CDH6: variants seen among roughly 807,000 people sequenced by gnomAD.
The protein encoded by CDH6 is cadherin 6, also known as cadherin-6.
A neutral mutation model predicts 78.0 loss-of-function variants in CDH6; 31 were observed. The observed-to-expected ratio is 0.40, with a 90% CI of 0.30 to 0.54. The LOEUF is 0.54. Among genes scored for constraint, CDH6 ranks in the 20% least tolerant of loss-of-function variants. The pLI is 0.56. For missense variants in CDH6, 724 were observed against 975.9 expected, an observed-to-expected ratio of 0.74 and a Z score of 3.44; for synonymous variants, 376 against 368.8, an observed-to-expected ratio of 1.02 and a Z score of -0.23.
intron 1 of CDH6, among the ~76,000 whole-genome samples, chr5:31,247,125 C>T (rs1741773801): frequency 6.6e-6 from 1 of 152,182 alleles, no homozygotes; most frequent in Non-Finnish European, 1.5e-5. Context: ...GACATCTCTG[C>T]AGAAGAGTTT....
At chr5:31,231,662 T>C (rs979191509) in intron 1 of CDH6, among the ~76,000 whole-genome samples, 1 of 152,176 alleles carries the variant, frequency 6.6e-6, no homozygotes, top group Non-Finnish European at 1.5e-5. Flanking sequence ...TTCCTCTTCT[T>C]ATAAAGCCTC....
chr5:31,328,144 T>A lies in CDH6; in HGVS notation c.*4836T>A. 4.7e-6 allele frequency: 1 copy of A among 211,092 alleles called. No individual in the cohort carries two copies. 13.1% of individuals were successfully genotyped at this position (211,092 alleles called of 1,614,324 possible). A position where few individuals can be genotyped will look rare whatever the true frequency, so the allele number is the denominator to read the frequency against. ...GGAGCCACTGGGTTATTAGATTAAT[T>A]TCAAAAGAGCTTTTACAAGTTGCTT... On this transcript the variant is annotated 3_prime_UTR_variant, in exon 12 of 12. Transcript: ENST00000265071.
intron 8 of CDH6, 135 bp from the exon 9 acceptor site, chr5:31,316,073 T>TA: frequency 1.2e-6 from 1 of 859,570 alleles, no homozygotes; most frequent in Non-Finnish European, 1.7e-6. Flanking sequence ...ACCACACTGG[T>TA]ACTTAATGCC....
At position 31,317,695 on chromosome 5, in the gene CDH6, T is replaced by C; in HGVS notation, c.1653T>C (p.Thr551=). ...DNKDNTAGIL[T]RKNGYNRHEM... ...CAGACAACACGGCGGGAATCTTAAC[T>C]CGGAAAAATGGCTATAATAGACACG... Residue 551 remains threonine, a synonymous_variant, in exon 11 of 12, where the codon ACT becomes ACC. Transcript: ENST00000265071. The C allele has an allele frequency of 6.2e-7, 1 of 1,610,232 alleles. No individual in the cohort carries two copies. Among genetic ancestry groups the C allele is most frequent in the South Asian group, 1.1e-5 (1 of 91,018 alleles).
At chr5:31,208,223 G>A (rs1740591989) in intron 1 of CDH6, among the ~76,000 whole-genome samples, 1 of 152,194 alleles carries the variant, frequency 6.6e-6, no homozygotes. Flanking sequence ...CATTCCAGAG[G>A]CTACGAGGGG....
Position 31,267,322 on chromosome 5 carries a change from TTGTTA to T in CDH6, c.-128-17_-128-13del. 1 of 603,466 alleles carries T rather than the reference TTGTTA, an allele frequency of 1.7e-6. No individual in the cohort carries two copies. 37.4% of individuals were successfully genotyped at this position (603,466 alleles called of 1,614,324 possible). A position where few individuals can be genotyped will look rare whatever the true frequency, so the allele number is the denominator to read the frequency against. On this transcript the variant is annotated intron_variant, in intron 1 of 11. Coordinates refer to ENST00000265071, the MANE Select transcript of CDH6 (RefSeq NM_004932.4). The stretch of plus-strand genomic sequence containing the variant: ...GAATTTTAAGCATCTCTAAAAATGC[TTGTTA>T]TGTTATTATTCTTTCCAGATATCCT...
At chr5:31,273,240 A>AT (rs917659112) in intron 2 of CDH6, among the ~76,000 whole-genome samples, 3 of 151,576 alleles carry the variant, frequency 2.0e-5, no homozygotes, top group African/African-American at 4.8e-5. Flanking sequence ...TCTTACACTA[A>AT]TTTTTTTTTC....
At chr5:31,245,581 G>C (rs1741722378) in intron 1 of CDH6, among the ~76,000 whole-genome samples, 1 of 152,176 alleles carries the variant, frequency 6.6e-6, no homozygotes, top group South Asian at 2.1e-4. Flanking sequence ...GGACATTACA[G>C]GGTTTTTACT....
At chr5:31,288,664 A>C (rs1346432652) in intron 2 of CDH6, among the ~76,000 whole-genome samples, 1 of 152,244 alleles carries the variant, frequency 6.6e-6, no homozygotes, top group Admixed American at 6.5e-5. Context: ...CCTATTTAAC[A>C]CAAAGATGTT....
At chr5:31,302,320 C>G in intron 6 of CDH6, 22 bp downstream of exon 6, 3 of 1,575,268 alleles carry the variant, frequency 1.9e-6, no homozygotes, top group Non-Finnish European at 2.6e-6. Context: ...TCTTAAACAC[C>G]ATACAGAGTG....
At chr5:31,199,497 C>T (rs1383007561) in intron 1 of CDH6, among the ~76,000 whole-genome samples, 16 of 108,932 alleles carry the variant, frequency 1.5e-4, no homozygotes, top group African/African-American at 4.1e-4. Flanking sequence ...TGTACACACA[C>T]ATATGTGTAT....
At chr5:31,198,461 TGAA>T (rs775470509) in intron 1 of CDH6, among the ~76,000 whole-genome samples, 1 of 152,142 alleles carries the variant, frequency 6.6e-6, no homozygotes, top group Non-Finnish European at 1.5e-5. Context: ...AAACGACTTA[TGAA>T]GAAGATGAGG....
intron 1 of CDH6, among the ~76,000 whole-genome samples, chr5:31,242,701 T>G (rs928487457): frequency 1.8e-4 from 25 of 139,496 alleles, no homozygotes; most frequent in South Asian, 9.7e-4. Context: ...AGAATAAGAA[T>G]GGGGGGGGGC....
intron 1 of CDH6, among the ~76,000 whole-genome samples, chr5:31,211,520 C>A (rs1247980207): frequency 6.6e-6 from 1 of 151,780 alleles, no homozygotes; most frequent in Admixed American, 6.6e-5. Flanking sequence ...ATTGGAAAGG[C>A]GAATAAGCTG....
At chr5:31,305,011 C>T (rs946023257) in intron 6 of CDH6, among the ~76,000 whole-genome samples, 163 bp from the exon 7 acceptor site, 1 of 152,168 alleles carries the variant, frequency 6.6e-6, no homozygotes, top group Non-Finnish European at 1.5e-5. Context: ...AAAATTACAT[C>T]TTATCTTTTC....
chr5:31,196,988 A>C lies in CDH6; in HGVS notation c.-129+3102A>C, dbSNP rs1157566486. On this transcript the variant is annotated intron_variant, in intron 1 of 11. Transcript: ENST00000265071. Reference sequence around the variant, plus strand: ...CCCCCCAACCAACAACAAGAAAAGAAATATTTGCAGGAAAAAAAAGTGCAA... The same window carrying C: ...CCCCCCAACCAACAACAAGAAAAGACATATTTGCAGGAAAAAAAAGTGCAA... Among the ~76,000 whole-genome samples, 3 of 152,120 alleles carry C rather than the reference A, an allele frequency of 2.0e-5. No individual in the cohort carries two copies. In the East Asian group the frequency reaches 5.8e-4, roughly 29 times the overall value.
intron 1 of CDH6, among the ~76,000 whole-genome samples, chr5:31,255,335 A>G (rs1043133613): frequency 6.6e-6 from 1 of 152,242 alleles, no homozygotes; most frequent in Admixed American, 6.5e-5. Context: ...GTAAAACTCA[A>G]CAAAAGACGA....
intron 7 of CDH6, among the ~76,000 whole-genome samples, chr5:31,310,260 C>T (rs1404752166): frequency 2.0e-5 from 3 of 152,120 alleles, no homozygotes; most frequent in Non-Finnish European, 2.9e-5. Context: ...GCAGCGCAGT[C>T]GTTAAATCCT....
At chr5:31,235,138 C>T (rs2111862053) in intron 1 of CDH6, among the ~76,000 whole-genome samples, 1 of 152,024 alleles carries the variant, frequency 6.6e-6, no homozygotes, top group Non-Finnish European at 1.5e-5. Flanking sequence ...TTTGAATCAC[C>T]CATTCAATCC....
Sources: allele counts gnomAD v4.1 joint callset (sites outside exome capture counted in the v4.1 genomes callset), GRCh38; gene constraint gnomAD v4.1.1; transcripts MANE v1.5; gene names NCBI Gene and HGNC (gene_info 2026-07-23, HGNC 2026-07-21).